The following PCDHGA2 variants were observed in gnomAD, a reference collection of about 807,000 sequenced individuals.
PCDHGA2 encodes protocadherin gamma-A2.
Under a neutral mutation model 59.2 loss-of-function variants are expected in PCDHGA2, and 40 were observed. That is an observed-to-expected ratio of 0.68 (90% CI 0.52 to 0.88). The LOEUF is 0.88. Among genes scored for constraint, PCDHGA2 ranks in the 40% least tolerant of loss-of-function variants. The pLI, the probability that PCDHGA2 is intolerant of heterozygous loss-of-function variation, is 0.00. For synonymous variants in PCDHGA2, 560 were observed against 526.0 expected (o/e 1.06, Z -0.89); for missense variants, 1,226 against 1,204.0 (o/e 1.02, Z -0.27).
In PCDHGA2 at chr5:141,350,451, T is replaced by C. The variant is rs1238028733; in HGVS notation, c.2424+9056T>C. The C allele has an allele frequency of 2.7e-5, 43 of 1,611,790 alleles. No homozygotes were observed. The highest frequency in any genetic ancestry group is 3.6e-5 in the Non-Finnish European group (42 of 1,178,086). On this transcript the variant is annotated intron_variant, in intron 1 of 3. Transcript: ENST00000394576. Reference sequence around the variant, plus strand: ...GTCCGGGAGTTGCCAACTCGAAAACTGCGGGTTAGTGCAGAGGATTATTTC... The same window carrying C: ...GTCCGGGAGTTGCCAACTCGAAAACCGCGGGTTAGTGCAGAGGATTATTTC...
chr5:141,430,723 A>C lies in PCDHGA2; in HGVS notation c.2425-64084A>C, dbSNP rs554822923. ...GAACTGCTCCTGACTTCAGTGGTTAAGGGCAGAATTGAAAATAATTCTGGA... is the reference window on the plus strand; with the variant it reads ...GAACTGCTCCTGACTTCAGTGGTTACGGGCAGAATTGAAAATAATTCTGGA... On this transcript the variant is annotated intron_variant, in intron 1 of 3. Transcript: ENST00000394576. 58 of 1,493,590 alleles carry C rather than the reference A, an allele frequency of 3.9e-5. No homozygotes were observed. The African/African-American group carries it at 7.7e-4, about 20-fold the overall frequency. The allele number at this position is 1,493,590 out of a possible 1,614,324, so 92.5% of individuals were successfully genotyped here. A position where few individuals can be genotyped will look rare whatever the true frequency, so the allele number is the denominator to read the frequency against.
At chr5:141,351,902 G>C in intron 1 of PCDHGA2, 1 of 1,613,444 alleles carries the variant, frequency 6.2e-7, no homozygotes, top group Non-Finnish European at 8.5e-7. Context: ...GCGCGTGTTG[G>C]TGGGCGACCT....
In PCDHGA2 at chr5:141,421,780, G is replaced by A. The variant is rs1259671007; in HGVS notation, c.2425-73027G>A. On this transcript the variant is annotated intron_variant, in intron 1 of 3. Coordinates refer to ENST00000394576, the MANE Select transcript of PCDHGA2 (RefSeq NM_018915.4). ...TAATTACTTTTCCTTGCAACTGCGGGGCAGAACGGATGGGGCCAAGAATCC... is the reference window on the plus strand; with the variant it reads ...TAATTACTTTTCCTTGCAACTGCGGAGCAGAACGGATGGGGCCAAGAATCC... The A allele has an allele frequency of 2.5e-6, 4 of 1,613,856 alleles. No homozygotes were observed. In the South Asian group the frequency reaches 4.4e-5, roughly 18 times the overall value.
chr5:141,427,764 T>C (rs1239199764), intron 1 of PCDHGA2: 4 of 1,383,480 alleles, frequency 2.9e-6, no homozygotes, highest in Non-Finnish European at 4.1e-6. Context: ...TACCACTGAC[T>C]TGGAGCTGCG....
chr5:141,394,463 G>A (rs1244366845), intron 1 of PCDHGA2: 2 of 1,614,248 alleles, frequency 1.2e-6, no homozygotes, highest in South Asian at 2.2e-5. Flanking sequence ...CACTGAGCCT[G>A]TTCGTGCTGG....
chr5:141,439,162 C>T (rs1422780686), intron 1 of PCDHGA2, among the ~76,000 whole-genome samples: 1 of 149,498 alleles, frequency 6.7e-6, no homozygotes, highest in Non-Finnish European at 1.5e-5. Flanking sequence ...CACTGCACTC[C>T]AGCCTGGGCG....
Position 141,489,375 on chromosome 5 carries a change from G to C in PCDHGA2, c.2425-5432G>C. On this transcript the variant is annotated intron_variant, in intron 1 of 3. Coordinates refer to ENST00000394576, the MANE Select transcript of PCDHGA2 (RefSeq NM_018915.4). The surrounding 1 kb of genome is among the most constrained non-coding windows in gnomAD (Gnocchi z 4.5). ...AGGAGTCTGAGCCGGGGACGCTGGT[G>C]GGGAATGTTGCTCAGGATCTGGGCT... 1 of 1,613,826 alleles carries C rather than the reference G, an allele frequency of 6.2e-7. No homozygotes were observed.
chr5:141,393,055 G>A (rs1225924697), intron 1 of PCDHGA2: 1 of 1,613,678 alleles, frequency 6.2e-7, no homozygotes, highest in South Asian at 1.1e-5. Flanking sequence ...AACCCGCGCA[G>A]CGGCAGCTTG....
At chr5:141,366,443 C>T in intron 1 of PCDHGA2, 1 of 1,614,206 alleles carries the variant, frequency 6.2e-7, no homozygotes, top group Non-Finnish European at 8.5e-7. Context: ...CTGCGTCTTC[C>T]TGGCCTTCGT....
intron 1 of PCDHGA2, chr5:141,343,765 G>A (rs1288187781): frequency 2.6e-6 from 1 of 380,664 alleles, no homozygotes; most frequent in Non-Finnish European, 4.7e-6. Flanking sequence ...TGCAGTAAAC[G>A]GTTAGGCCTC....
chr5:141,351,366 A>G (rs773042638), intron 1 of PCDHGA2: 2 of 1,613,000 alleles, frequency 1.2e-6, no homozygotes, highest in South Asian at 2.2e-5. Flanking sequence ...AAAGTGCGAG[A>G]CAAGGATTCT....
chr5:141,497,191 A>G (rs2099774633), intron 2 of PCDHGA2, among the ~76,000 whole-genome samples: 1 of 126,864 alleles, frequency 7.9e-6, no homozygotes, highest in Admixed American at 8.3e-5. Context: ...TGAGAGGCAG[A>G]GAACAATGTG....
Position 141,485,092 on chromosome 5 carries a change from G to C in PCDHGA2, c.2425-9715G>C, listed in dbSNP as rs2099606725. 3.8e-6 allele frequency: 4 copies of C among 1,065,492 alleles called. No homozygotes were observed. Among genetic ancestry groups the C allele is most frequent in the Non-Finnish European group, 5.6e-6 (4 of 708,358 alleles). The allele number at this position is 1,065,492 out of a possible 1,614,324, so 66.0% of individuals were successfully genotyped here. A position where few individuals can be genotyped will look rare whatever the true frequency, so the allele number is the denominator to read the frequency against. Reference sequence around the variant, plus strand: ...CTGGCGCGGGGAAAGGGAGATAGGTGTCTCCAGCTGCTGTGGCTGTTTGGG... The same window carrying C: ...CTGGCGCGGGGAAAGGGAGATAGGTCTCTCCAGCTGCTGTGGCTGTTTGGG... On this transcript the variant is annotated intron_variant, in intron 1 of 3. Coordinates refer to ENST00000394576, the MANE Select transcript of PCDHGA2 (RefSeq NM_018915.4). This position sits in a 1 kb window ranked among gnomAD's most constrained non-coding sequence, Gnocchi z 5.7.
At chr5:141,481,739 G>A (rs1034725934) in intron 1 of PCDHGA2, among the ~76,000 whole-genome samples, 1 of 152,082 alleles carries the variant, frequency 6.6e-6, no homozygotes, top group Non-Finnish European at 1.5e-5. Flanking sequence ...GGATCACGAG[G>A]TCAGGAGTCC....
chr5:141,348,321 T>A (rs1758096787), intron 1 of PCDHGA2, among the ~76,000 whole-genome samples: 1 of 152,160 alleles, frequency 6.6e-6, no homozygotes, highest in African/African-American at 2.4e-5. Context: ...CATCACAGAA[T>A]TTAAAAGGCC....
chr5:141,433,176 T>A, intron 1 of PCDHGA2: 1 of 1,610,288 alleles, frequency 6.2e-7, no homozygotes, highest in Non-Finnish European at 8.5e-7. Flanking sequence ...AGTCATGGGT[T>A]AATTGAGGTG....
At chr5:141,394,801 C>A in intron 1 of PCDHGA2, 2 of 1,613,838 alleles carry the variant, frequency 1.2e-6, no homozygotes, top group Non-Finnish European at 1.7e-6. Flanking sequence ...CTCACCGTAG[C>A]CGTGGCTGAC....
At chr5:141,457,537 T>A (rs967428207) in intron 1 of PCDHGA2, among the ~76,000 whole-genome samples, 2 of 152,228 alleles carry the variant, frequency 1.3e-5, no homozygotes, top group Admixed American at 6.5e-5. Flanking sequence ...TAGGGTTTAA[T>A]GACAAATGTA....
At position 141,413,154 on chromosome 5, in the gene PCDHGA2, A is replaced by C. The variant is rs1308503780; in HGVS notation, c.2424+71759A>C. 10 of 1,576,026 alleles carry C rather than the reference A, an allele frequency of 6.3e-6. No homozygotes were observed. In the South Asian group the frequency reaches 1.2e-4, roughly 18 times the overall value. ...ACAACGTGTCCAGTGAGGACTTTGC[A>C]GAATTCTGTAACCAGACTACAATGG... On this transcript the variant is annotated intron_variant, in intron 1 of 3. Coordinates refer to ENST00000394576, the MANE Select transcript of PCDHGA2 (RefSeq NM_018915.4).
Sources: allele counts gnomAD v4.1 joint callset (sites outside exome capture counted in the v4.1 genomes callset), GRCh38; gene constraint gnomAD v4.1.1; non-coding constraint Gnocchi (gnomAD v3.1); transcripts MANE v1.5; gene names NCBI Gene and HGNC (gene_info 2026-07-23, HGNC 2026-07-21).